The following KIAA2012 variants were observed in gnomAD, a reference collection of about 807,000 sequenced individuals.
KIAA2012 encodes KIAA2012, also known as uncharacterized protein KIAA2012.
KIAA2012 carries 125 observed loss-of-function variants against 150.6 expected under a neutral mutation model. That is an observed-to-expected ratio of 0.83 (90% CI 0.72 to 0.96). The LOEUF is 0.96. KIAA2012 is among the 40% of genes least tolerant of loss of function. KIAA2012 has a pLI of 0.00. For missense variants in KIAA2012, 1,219 were observed against 1,354.9 expected (o/e 0.90, Z 1.57); for synonymous variants, 462 against 504.7 (o/e 0.92, Z 1.13).
intron 4 of KIAA2012, among the ~76,000 whole-genome samples, chr2:202,096,991 C>T (rs147771228): frequency 2.6e-5 from 4 of 152,282 alleles, no homozygotes; most frequent in East Asian, 3.9e-4. Context: ...CCGGGAATCC[C>T]AAGAGCTTGC....
chr2:202,075,399 C>T (rs1689304565), intron 2 of KIAA2012, among the ~76,000 whole-genome samples: 1 of 152,176 alleles, frequency 6.6e-6, no homozygotes, highest in Non-Finnish European at 1.5e-5. Context: ...GATCTGAAAA[C>T]CATAAAGGGC....
Position 202,102,190 on chromosome 2 carries a change from GCACA to G in KIAA2012, c.1156-744_1156-741del, listed in dbSNP as rs57274823. On this transcript the variant is annotated intron_variant, in intron 7 of 23. Coordinates refer to ENST00000498697, the MANE Select transcript of KIAA2012 (RefSeq NM_001277372.4). ...CATACACACACACATACACATACAC[GCACA>G]CACACACACACTTTTTGGGGGACAG... 4.5e-4 allele frequency among the ~76,000 whole-genome samples: 68 copies of G among 150,630 alleles called. 3 individuals carry two copies. The East Asian group carries it at 0.013, about 28-fold the overall frequency.
At chr2:202,106,088 A>G in intron 9 of KIAA2012, 178 bp downstream of exon 9, 1 of 1,498,136 alleles carries the variant, frequency 6.7e-7, no homozygotes, top group Non-Finnish European at 8.9e-7. Context: ...GTGCTGCACT[A>G]AAACTAACAG....
intron 12 of KIAA2012, chr2:202,137,493 T>G (rs1269786623): frequency 6.6e-6 from 1 of 151,932 alleles, no homozygotes; most frequent in Non-Finnish European, 1.5e-5. Context: ...ATTTTTGTAT[T>G]TTTAGTAGAG....
At position 202,074,905 on chromosome 2, in the gene KIAA2012, G is replaced by C. The variant is rs1279463904; in HGVS notation, c.99G>C (p.Trp33Cys). 1 of 1,547,034 alleles carries C rather than the reference G, an allele frequency of 6.5e-7. No homozygotes were observed. Among genetic ancestry groups the C allele is most frequent in the South Asian group, 1.2e-5 (1 of 83,194 alleles). Residue 33 changes from tryptophan to cysteine, a missense_variant, in exon 2 of 24, where the codon TGG becomes TGC. Coordinates refer to ENST00000498697, the MANE Select transcript of KIAA2012 (RefSeq NM_001277372.4). ...TCTCATTGCAGGATTACTTGAACTGGAGGTCCCCAGAAGACTATGTTCCTG... is the reference window on the plus strand; with the variant it reads ...TCTCATTGCAGGATTACTTGAACTGCAGGTCCCCAGAAGACTATGTTCCTG... ...VYFEPEDYLN[W>C]RSPEDYVPVS...
rs1359009540 is a variant in KIAA2012, at chr2:202,073,717, T to A, written c.84+6T>A. ...AAGTCTACTTTGAACCAGAGGTGAGTCCCACAGCTGAAGAAAGGCACATTT... is the reference window on the plus strand; with the variant it reads ...AAGTCTACTTTGAACCAGAGGTGAGACCCACAGCTGAAGAAAGGCACATTT... On this transcript the variant is annotated splice_donor_region_variant and intron_variant, in intron 1 of 23. Transcript: ENST00000498697. 1 of 1,549,590 alleles carries A rather than the reference T, an allele frequency of 6.5e-7. No homozygotes were observed. The highest frequency in any genetic ancestry group is 2.0e-5 in the Admixed American group (1 of 50,926).
intron 2 of KIAA2012, among the ~76,000 whole-genome samples, chr2:202,082,635 C>A (rs1689477738): frequency 6.6e-6 from 1 of 151,616 alleles, no homozygotes; most frequent in Non-Finnish European, 1.5e-5. Context: ...TTATGAAGTC[C>A]AACTTATCTA....
chr2:202,106,101 T>TCCAGCTCA (rs1690183919), intron 9 of KIAA2012, 191 bp downstream of exon 9: 1 of 1,466,324 alleles, frequency 6.8e-7, no homozygotes, highest in Non-Finnish European at 9.1e-7. Flanking sequence ...ACTAACAGTG[T>TCCAGCTCA]CCAGCTCACC....
Position 202,129,740 on chromosome 2 carries a change from G to T in KIAA2012, c.1831+4458G>T, listed in dbSNP as rs139662532. On this transcript the variant is annotated intron_variant, in intron 12 of 23. Transcript: ENST00000498697. ...AATCTCAGCACTTTGGGAGGCCAAGGTTGGAGAATTACTTGAGGCTAGGAT... is the reference window on the plus strand; with the variant it reads ...AATCTCAGCACTTTGGGAGGCCAAGTTTGGAGAATTACTTGAGGCTAGGAT... Among the ~76,000 whole-genome samples, 17 of 152,192 alleles carry T rather than the reference G, an allele frequency of 1.1e-4. No homozygotes were observed. The East Asian group carries it at 2.1e-3, about 19-fold the overall frequency.
chr2:202,109,781 C>A lies in KIAA2012; in HGVS notation c.1643C>A (p.Ala548Glu), dbSNP rs1209171878. ...NMRVPRRALPAAQEDSSDPTL... is the reference protein window; with the variant it reads ...NMRVPRRALPEAQEDSSDPTL... Reference sequence around the variant, plus strand: ...AGAGTGCCCAGGAGGGCACTGCCAGCAGCTCAAGGTAATCATTCCCAGAGT... The same window carrying A: ...AGAGTGCCCAGGAGGGCACTGCCAGAAGCTCAAGGTAATCATTCCCAGAGT... The change falls in exon 10 of 24, where the codon GCA becomes GAA. Residue 548 changes from alanine to glutamate, a missense_variant. Coordinates refer to ENST00000498697, the MANE Select transcript of KIAA2012 (RefSeq NM_001277372.4). The A allele has an allele frequency of 5.2e-6, 8 of 1,547,354 alleles. 1 individual carries two copies. Among genetic ancestry groups the A allele is most frequent in the African/African-American group, 4.1e-5 (3 of 72,830 alleles).
chr2:202,203,016 T>C (rs1692559926), intron 23 of KIAA2012, among the ~76,000 whole-genome samples: 1 of 151,992 alleles, frequency 6.6e-6, no homozygotes, highest in Non-Finnish European at 1.5e-5. Flanking sequence ...TAAGATATTC[T>C]CTACTCTGGA....
intron 10 of KIAA2012, among the ~76,000 whole-genome samples, chr2:202,112,570 G>T (rs1158457337): frequency 6.6e-6 from 1 of 152,160 alleles, no homozygotes; most frequent in Non-Finnish European, 1.5e-5. Flanking sequence ...CATCTGAAGT[G>T]GGGGGCAGTC....
At chr2:202,083,027 T>G (rs1320491174) in intron 2 of KIAA2012, among the ~76,000 whole-genome samples, 1 of 152,192 alleles carries the variant, frequency 6.6e-6, no homozygotes, top group Non-Finnish European at 1.5e-5. Flanking sequence ...AGCCTAATTT[T>G]TGCTGCTAGC....
chr2:202,170,070 G>GGTCT (rs1193012655), intron 15 of KIAA2012, among the ~76,000 whole-genome samples: 3 of 152,168 alleles, frequency 2.0e-5, no homozygotes, highest in Non-Finnish European at 4.4e-5. Context: ...GGGGAAGGCT[G>GGTCT]GTCTGCCACC....
intron 19 of KIAA2012, among the ~76,000 whole-genome samples, chr2:202,192,036 G>T (rs1037808132): frequency 5.3e-5 from 8 of 152,136 alleles, no homozygotes; most frequent in African/African-American, 1.7e-4. Context: ...TTCCAAAAAG[G>T]ATTCCAGGAA....
chr2:202,080,980 C>T (rs1360207624), intron 2 of KIAA2012, among the ~76,000 whole-genome samples: 3 of 152,172 alleles, frequency 2.0e-5, no homozygotes, highest in Admixed American at 2.0e-4. Flanking sequence ...AACTCCATGT[C>T]CATGAAACAG....
chr2:202,096,503 G>A (rs1028663196), intron 4 of KIAA2012, among the ~76,000 whole-genome samples: 6 of 152,316 alleles, frequency 3.9e-5, no homozygotes, highest in African/African-American at 1.4e-4. Flanking sequence ...TGGAGGGAGG[G>A]AGTAGCCCCA....
At chr2:202,136,006 A>T (rs56806886) in intron 12 of KIAA2012, 82,917 of 321,650 alleles carry the variant, frequency 0.26, 11,751 homozygotes, top group East Asian at 0.51. Flanking sequence ...AAAAAAAAAA[A>T]ATTTTTTTTG....
At chr2:202,203,698 CCT>C (rs1299074377) in intron 23 of KIAA2012, among the ~76,000 whole-genome samples, 2 of 152,182 alleles carry the variant, frequency 1.3e-5, no homozygotes, top group South Asian at 2.1e-4. Flanking sequence ...AGTTTTAGCC[CCT>C]GTGCCCTGAA....
Sources: allele counts gnomAD v4.1 joint callset (sites outside exome capture counted in the v4.1 genomes callset), GRCh38; gene constraint gnomAD v4.1.1; transcripts MANE v1.5; gene names NCBI Gene and HGNC (gene_info 2026-07-23, HGNC 2026-07-21).